Variants in SCUBE1 observed in about 807,000 individuals in gnomAD.
SCUBE1 encodes the protein signal peptide, CUB and EGF-like domain-containing protein 1.
In SCUBE1, 59 loss-of-function variants were observed where a neutral mutation model predicts 124.4. The ratio of observed to expected loss-of-function variants is 0.47; its 90% CI spans 0.38 to 0.59. SCUBE1 has a LOEUF of 0.59. SCUBE1 is among the 20% of genes least tolerant of loss of function. The probability of loss-of-function intolerance (pLI) is 0.00; values close to 1 mark genes in which losing one functional copy is unlikely to be tolerated. For missense variants in SCUBE1, 1,150 were observed against 1,371.2 expected, an observed-to-expected ratio of 0.84 and a Z score of 2.55; for synonymous variants, 545 against 550.9, an observed-to-expected ratio of 0.99 and a Z score of 0.15.
At chr22:43,243,095 C>T (rs1923072271) in intron 6 of SCUBE1, among the ~76,000 whole-genome samples, 1 of 152,244 alleles carries the variant, frequency 6.6e-6, no homozygotes, top group East Asian at 1.9e-4. Flanking sequence ...TCCTGGGCCA[C>T]CGCACACGCC....
chr22:43,207,394 C>T (rs1601792786), intron 21 of SCUBE1, 140 bp downstream of exon 21: 2 of 687,032 alleles, frequency 2.9e-6, no homozygotes, highest in Admixed American at 2.1e-5. Context: ...CTCTGGGACC[C>T]CCAAGCCTCC....
rs572846807 is a variant in SCUBE1, at chr22:43,210,360, C to G, written c.2384-120G>C. On this transcript the variant is annotated intron_variant, in intron 18 of 21. Transcript: ENST00000360835. This position sits in a 1 kb window ranked among gnomAD's most constrained non-coding sequence, Gnocchi z 4.5. ...GCTGGAAGGTGCTCTTGTCCCCCCC[C>G]ACACTAGCCCTCGGACCCTGAGCCC... The G allele has an allele frequency of 1.1e-5, 9 of 817,486 alleles. No homozygotes were observed. The highest frequency in any genetic ancestry group is 3.5e-5 in the African/African-American group (2 of 56,434). 50.6% of individuals were successfully genotyped at this position (817,486 alleles called of 1,614,324 possible).
Position 43,199,324 on chromosome 22 carries a change from C to T in SCUBE1, c.*4673G>A, listed in dbSNP as rs1033497968. 6.4e-6 allele frequency: 1 copy of T among 156,548 alleles called. No individual in the cohort carries two copies. Among genetic ancestry groups the T allele is most frequent in the Non-Finnish European group, 1.4e-5 (1 of 71,164 alleles). The allele number at this position is 156,548 out of a possible 1,614,324, so 9.7% of individuals were successfully genotyped here. The stretch of plus-strand genomic sequence containing the variant: ...CCAGGGGCCTCCTGCCGTGGACAAG[C>T]CCAGGGGACAGGCTTCACTGAGACG... On this transcript the variant is annotated 3_prime_UTR_variant, in exon 22 of 22. Coordinates refer to ENST00000360835, the MANE Select transcript of SCUBE1 (RefSeq NM_173050.5).
At chr22:43,229,671 C>T (rs2146677362) in intron 8 of SCUBE1, among the ~76,000 whole-genome samples, 1 of 152,042 alleles carries the variant, frequency 6.6e-6, no homozygotes, top group Admixed American at 6.5e-5. Context: ...ATAAGGAAAA[C>T]CACACAGGTA....
In SCUBE1 at chr22:43,203,955, T is replaced by A; in HGVS notation, c.*42A>T. ...CCCACTGTGGAGGGCAGGTGCACCC[T>A]CCGCGGACCAGGCCACCCCCAGGCA... On this transcript the variant is annotated 3_prime_UTR_variant, in exon 22 of 22. Transcript: ENST00000360835. 1 of 1,607,472 alleles carries A rather than the reference T, an allele frequency of 6.2e-7. No individual in the cohort carries two copies. The highest frequency in any genetic ancestry group is 1.3e-5 in the African/African-American group (1 of 74,912).
At chr22:43,334,444 A>G (rs947635024) in intron 2 of SCUBE1, among the ~76,000 whole-genome samples, 3 of 152,212 alleles carry the variant, frequency 2.0e-5, no homozygotes, top group Non-Finnish European at 4.4e-5. Flanking sequence ...GTTGGAAAAG[A>G]CAAAGCTTTA....
chr22:43,296,589 G>C (rs1244030049), intron 3 of SCUBE1, among the ~76,000 whole-genome samples: 1 of 152,220 alleles, frequency 6.6e-6, no homozygotes, highest in East Asian at 1.9e-4. Context: ...TGGTGAGAGA[G>C]ACGGGGGAGG....
chr22:43,227,543 C>G (rs376823160), intron 9 of SCUBE1, 47 bp from the exon 10 acceptor site: 1 of 1,591,754 alleles, frequency 6.3e-7, no homozygotes, highest in South Asian at 1.1e-5. Context: ...TGGCGGCTGG[C>G]GGCTGGCAGG....
chr22:43,336,962 T>C (rs1412547664), intron 2 of SCUBE1, among the ~76,000 whole-genome samples: 1 of 151,642 alleles, frequency 6.6e-6, no homozygotes, highest in Non-Finnish European at 1.5e-5. Context: ...TATGTCTGTG[T>C]GTGTGTGTGT....
chr22:43,303,932 C>A (rs1383942139), intron 3 of SCUBE1, among the ~76,000 whole-genome samples: 1 of 152,224 alleles, frequency 6.6e-6, no homozygotes, highest in African/African-American at 2.4e-5. Flanking sequence ...GCCTTCAGTG[C>A]TGTGGCTTGG....
In SCUBE1 at chr22:43,201,715, G is replaced by A. The variant is rs956072646; in HGVS notation, c.*2282C>T. 6.6e-6 allele frequency: 1 copy of A among 152,148 alleles called. No individual in the cohort carries two copies. Among genetic ancestry groups the A allele is most frequent in the African/African-American group, 2.4e-5 (1 of 41,404 alleles). The allele number at this position is 152,148 out of a possible 1,614,324, so 9.4% of individuals were successfully genotyped here. A position where few individuals can be genotyped will look rare whatever the true frequency, so the allele number is the denominator to read the frequency against. On this transcript the variant is annotated 3_prime_UTR_variant, in exon 22 of 22. Coordinates refer to ENST00000360835, the MANE Select transcript of SCUBE1 (RefSeq NM_173050.5). ...GTCTCCCAATCGCAGACAGCCGATC[G>A]TGGGACTTGTTGGCCTCCAGAATCT...
chr22:43,296,725 A>T (rs1569018825), intron 3 of SCUBE1, among the ~76,000 whole-genome samples: 1 of 152,174 alleles, frequency 6.6e-6, no homozygotes, highest in Non-Finnish European at 1.5e-5. Context: ...TGTATCTGTG[A>T]TTGTGCCATC....
At chr22:43,218,581 C>G in intron 14 of SCUBE1, 123 bp from the exon 15 acceptor site, 5 of 998,648 alleles carry the variant, frequency 5.0e-6, no homozygotes, top group Non-Finnish European at 7.5e-6. Flanking sequence ...CACATTCTCA[C>G]AACAGTCCTG....
intron 3 of SCUBE1, among the ~76,000 whole-genome samples, chr22:43,303,876 T>A (rs770125357): frequency 6.6e-6 from 1 of 152,204 alleles, no homozygotes; most frequent in African/African-American, 2.4e-5. Flanking sequence ...TTCTCCTAAA[T>A]GTAATGAGTT....
At chr22:43,342,187 C>A (rs1362489562) in intron 1 of SCUBE1, among the ~76,000 whole-genome samples, 1 of 127,020 alleles carries the variant, frequency 7.9e-6, no homozygotes, top group Admixed American at 1.0e-4. Flanking sequence ...CCTCTGATGA[C>A]GAGGAGGGGA....
chr22:43,267,658 A>G (rs1385352410), intron 4 of SCUBE1, among the ~76,000 whole-genome samples: 3 of 152,204 alleles, frequency 2.0e-5, no homozygotes, highest in Non-Finnish European at 4.4e-5. Flanking sequence ...ATAAAGCAAC[A>G]GTGACACAGC....
At chr22:43,219,804 G>A (rs910558633) in intron 14 of SCUBE1, among the ~76,000 whole-genome samples, 3 of 151,898 alleles carry the variant, frequency 2.0e-5, no homozygotes, top group African/African-American at 4.8e-5. Context: ...GCCCTCCCGT[G>A]GGGGGCAGAC....
intron 3 of SCUBE1, among the ~76,000 whole-genome samples, chr22:43,295,284 AGGCCAGGCCTGC>A (rs1238828828): frequency 6.6e-6 from 1 of 152,196 alleles, no homozygotes; most frequent in Non-Finnish European, 1.5e-5. Context: ...CCCGGCTTCC[AGGCCAGGCCTGC>A]CTTCCTTCAC....
rs929469789 is a variant in SCUBE1 at position 43,210,823 on chromosome 22, C to T, written c.2383+99G>A. ...GACGGAGCGGGAGGAGTCCAGTGTC[C>T]TCGTGGAGCTCGTGTGAGATCAGGT... On this transcript the variant is annotated intron_variant, in intron 18 of 21. Transcript: ENST00000360835. This position sits in a 1 kb window ranked among gnomAD's most constrained non-coding sequence, Gnocchi z 4.5. 1.4e-6 allele frequency: 2 copies of T among 1,410,864 alleles called. No homozygotes were observed. The highest frequency in any genetic ancestry group is 2.0e-6 in the Non-Finnish European group (2 of 1,013,314). 87.4% of individuals were successfully genotyped at this position (1,410,864 alleles called of 1,614,324 possible). A position where few individuals can be genotyped will look rare whatever the true frequency, so the allele number is the denominator to read the frequency against.
Sources: gnomAD v4.1 joint callset for allele counts (sites outside exome capture counted in the v4.1 genomes callset) on GRCh38, gnomAD v4.1.1 for gene constraint, Gnocchi (gnomAD v3.1) non-coding constraint, MANE v1.5 for transcripts, NCBI Gene and HGNC (gene_info 2026-07-23, HGNC 2026-07-21) for gene names.